Variants in MUC5B observed in about 807,000 individuals in gnomAD.
The protein encoded by MUC5B is mucin-5B.
In MUC5B, 116 loss-of-function variants were observed where a neutral mutation model predicts 376.9. The observed-to-expected ratio is 0.31, with a 90% confidence interval of 0.26 to 0.36. The LOEUF (loss-of-function observed/expected upper bound fraction) is 0.36. Among genes scored for constraint, MUC5B ranks in the 10% least tolerant of loss-of-function variants. The pLI is 1.00. For synonymous variants in MUC5B, 3,517 were observed against 3,390.9 expected (o/e 1.04, Z -1.29); for missense variants, 7,165 against 7,769.9 (o/e 0.92, Z 2.93).
chr11:1,246,159 A>C lies in MUC5B; in HGVS notation c.9279A>C (p.Thr3093=). Residue 3093 remains threonine, a synonymous_variant, in exon 31 of 49, where the codon ACA becomes ACC. Coordinates refer to ENST00000529681, the MANE Select transcript of MUC5B (RefSeq NM_002458.3). ...CCACACCCATGGCCACCATGTCCAC[A>C]ATCCACCCCTCCTCCACTCCGGAGA... ...QTTTPMATMS[T]IHPSSTPETT... is the part of the protein sequence containing the mutation. The C allele has an allele frequency of 6.2e-7, 1 of 1,606,814 alleles. No homozygotes were observed. Among genetic ancestry groups the C allele is most frequent in the Non-Finnish European group, 8.5e-7 (1 of 1,178,026 alleles).
In MUC5B at chr11:1,255,514, G is replaced by A. The variant is rs201333268; in HGVS notation, c.16022G>A (p.Arg5341Gln). The A allele has an allele frequency of 5.5e-5, 86 of 1,549,870 alleles. No individual in the cohort carries two copies. The highest frequency in any genetic ancestry group is 7.8e-5 in the Admixed American group (4 of 51,442). Residue 5341 changes from arginine (R) to glutamine (Q), a missense_variant, in exon 37 of 49, where the codon CGG becomes CAG. By Grantham distance (43) the Arg-to-Gln change is conservative. This residue lies in a region of MUC5B where 842 missense variants were observed against 1,016.9 expected (regional missense o/e 0.83). Transcript: ENST00000529681. Reference protein sequence around the residue: ...LEAYAELCRARGVCSDWRGAT... With the variant: ...LEAYAELCRAQGVCSDWRGAT... The stretch of plus-strand genomic sequence containing the variant: ...GCTTACGCAGAGCTCTGCCGCGCCC[G>A]GGGAGTGTGCAGTGACTGGCGAGGT...
intron 30 of MUC5B, 92 bp from the exon 31 acceptor site, chr11:1,240,759 C>A (rs1395152863): frequency 8.1e-7 from 1 of 1,232,568 alleles, no homozygotes; most frequent in Non-Finnish European, 1.1e-6. Context: ...GCAGGGCCAG[C>A]CCTGGGGAAA....
Position 1,240,279 on chromosome 11 carries a change from A to T in MUC5B, c.3874A>T (p.Asn1292Tyr), listed in dbSNP as rs1438457222. 1 of 1,613,724 alleles carries T rather than the reference A, an allele frequency of 6.2e-7. No homozygotes were observed. ...CTGCTTGATCGCCATCTGCGGAAGC[A>T]ACGGCACCATCATCAGGAAGGCTGT... Reference protein sequence around the residue: ...GACLIAICGSNGTIIRKAVAC... With the variant: ...GACLIAICGSYGTIIRKAVAC... The change falls in exon 30 of 49, where the codon AAC (asparagine) becomes TAC (tyrosine). Residue 1292 changes from asparagine (N) to tyrosine (Y), a missense_variant. Physicochemically the swap from Asn to Tyr is moderately radical, Grantham distance 143. Transcript: ENST00000529681.
intron 1 of MUC5B, among the ~76,000 whole-genome samples, chr11:1,224,089 G>A (rs1394233859): frequency 6.6e-6 from 1 of 152,228 alleles, no homozygotes; most frequent in Admixed American, 6.5e-5. Context: ...AAGGTTTGGG[G>A]GCTGGTTTGA....
In MUC5B at chr11:1,257,442, A is replaced by C; in HGVS notation, c.16270-88A>C. The C allele has an allele frequency of 6.7e-7, 1 of 1,492,502 alleles. No individual in the cohort carries two copies. Among genetic ancestry groups the C allele is most frequent in the Non-Finnish European group, 9.2e-7 (1 of 1,091,996 alleles). 92.5% of individuals were successfully genotyped at this position (1,492,502 alleles called of 1,614,324 possible). A position where few individuals can be genotyped will look rare whatever the true frequency, so the allele number is the denominator to read the frequency against. Reference sequence around the variant, plus strand: ...CATCACTCTGGGCCACTCGGGTACCAGCCCGAGGGAGGGGGTGGCTGGACA... The same window carrying C: ...CATCACTCTGGGCCACTCGGGTACCCGCCCGAGGGAGGGGGTGGCTGGACA... On this transcript the variant is annotated intron_variant, in intron 40 of 48. Transcript: ENST00000529681. This position sits in a 1 kb window ranked among gnomAD's most constrained non-coding sequence, Gnocchi z 8.9.
rs776307821 is a variant in MUC5B, at chr11:1,237,190, G to T, written c.3297+26G>T. 2.2e-6 allele frequency: 3 copies of T among 1,390,010 alleles called. No individual in the cohort carries two copies. In the African/African-American group the frequency reaches 4.4e-5, roughly 21 times the overall value. 86.1% of individuals were successfully genotyped at this position (1,390,010 alleles called of 1,614,324 possible). A position where few individuals can be genotyped will look rare whatever the true frequency, so the allele number is the denominator to read the frequency against. On this transcript the variant is annotated intron_variant, in intron 25 of 48. Coordinates refer to ENST00000529681, the MANE Select transcript of MUC5B (RefSeq NM_002458.3). ...GTGGGGCTCTGGTCTTGGCAGGCAG[G>T]GTCTGGTGGGGATGGCAGTTGCTTC...
chr11:1,225,565 C>T, intron 1 of MUC5B, 116 bp from the exon 2 acceptor site: 2 of 918,020 alleles, frequency 2.2e-6, no homozygotes, highest in Non-Finnish European at 3.3e-6. Flanking sequence ...ATGGAGACCG[C>T]CACCAAGGAC....
rs746478344 is a variant in MUC5B at position 1,247,648 on chromosome 11, C to T, written c.10768C>T (p.Pro3590Ser). Residue 3590 changes from proline (P) to serine (S), a missense_variant, in exon 31 of 49, where the codon CCC becomes TCC. Coordinates refer to ENST00000529681, the MANE Select transcript of MUC5B (RefSeq NM_002458.3). ...WLDYSYPMPG[P>S]SGGDFDTYSN... The stretch of plus-strand genomic sequence containing the variant: ...GGACTACAGCTACCCCATGCCGGGG[C>T]CCTCTGGCGGGGACTTTGACACCTA... The T allele has an allele frequency of 7.5e-6, 12 of 1,606,138 alleles. No homozygotes were observed. Among genetic ancestry groups the T allele is most frequent in the South Asian group, 1.1e-5 (1 of 90,746 alleles).
rs370603601 is a variant in MUC5B at position 1,230,943 on chromosome 11, G to A, written c.1478G>A (p.Arg493Gln). 17 of 1,590,606 alleles carry A rather than the reference G, an allele frequency of 1.1e-5. No individual in the cohort carries two copies. The highest frequency in any genetic ancestry group is 1.7e-4 in the Middle Eastern group (1 of 6,058). The change falls in exon 13 of 49, where the codon CGG becomes CAG. Residue 493 changes from arginine (R) to glutamine (Q), a missense_variant. By Grantham distance (43) the Arg-to-Gln change is conservative (BLOSUM62 1). This residue lies in a region of MUC5B where 640 missense variants were observed against 733.0 expected (regional missense o/e 0.87). Transcript: ENST00000529681. ...GCCCGCCTCCTTCCGCAGGCCATCC[G>A]GGTCCAAGCGGACGGCGGCGTGTTC... ...LSLDGGDTAI[R>Q]VQADGGVFLN...
intron 46 of MUC5B, 60 bp downstream of exon 46, chr11:1,260,145 CCT>C (rs1862959007): frequency 1.9e-6 from 3 of 1,589,566 alleles, no homozygotes; most frequent in African/African-American, 2.7e-5. Context: ...AGGCCCAACC[CCT>C]GTCTGGGATG....
chr11:1,261,715 T>C lies in MUC5B; in HGVS notation c.*107T>C. 2 of 1,151,914 alleles carry C rather than the reference T, an allele frequency of 1.7e-6. No individual in the cohort carries two copies. The highest frequency in any genetic ancestry group is 2.5e-6 in the Non-Finnish European group (2 of 795,452). The allele number at this position is 1,151,914 out of a possible 1,614,324, so 71.4% of individuals were successfully genotyped here. ...TCTGCGGAGCCCCCCGGCCTGTGTGTGGCACCCCGCGCTCCGTGCTCCTGC... is the reference window on the plus strand; with the variant it reads ...TCTGCGGAGCCCCCCGGCCTGTGTGCGGCACCCCGCGCTCCGTGCTCCTGC... On this transcript the variant is annotated 3_prime_UTR_variant, in exon 49 of 49. Transcript: ENST00000529681.
rs776347143 is a variant in MUC5B at position 1,247,448 on chromosome 11, C to T, written c.10568C>T (p.Pro3523Leu). The T allele has an allele frequency of 3.7e-6, 6 of 1,609,654 alleles. No homozygotes were observed. The highest frequency in any genetic ancestry group is 2.2e-5 in the South Asian group (2 of 90,868). ...AGCAGCAGGACCACCGAGTCACCCC[C>T]TTCTCCAGGGACGACCACCCCGGGC... is the stretch of plus-strand genomic sequence containing the variant. ...HPSSRTTESPPSPGTTTPGHT... is the reference protein window; with the variant it reads ...HPSSRTTESPLSPGTTTPGHT... Residue 3523 changes from proline to leucine, a missense_variant, in exon 31 of 49, where the codon CCT becomes CTT. Coordinates refer to ENST00000529681, the MANE Select transcript of MUC5B (RefSeq NM_002458.3).
intron 23 of MUC5B, among the ~76,000 whole-genome samples, chr11:1,235,802 C>T (rs190160172): frequency 6.6e-6 from 1 of 151,718 alleles, no homozygotes; most frequent in Non-Finnish European, 1.5e-5. Flanking sequence ...AGGGCCCCCC[C>T]CCGCCCCCAC....
Position 1,246,534 on chromosome 11 carries a change from T to C in MUC5B, c.9654T>C (p.Thr3218=). ...CCACTCCCTCCTCCAGTCCAGGGACTGCAACCGCCCTTCCAGCACTGAGAA... is the reference window on the plus strand; with the variant it reads ...CCACTCCCTCCTCCAGTCCAGGGACCGCAACCGCCCTTCCAGCACTGAGAA... ...SRATPSSSPG[T]ATALPALRST... is the part of the protein sequence containing the mutation. Residue 3218 remains threonine, a synonymous_variant, in exon 31 of 49, where the codon ACT becomes ACC. Coordinates refer to ENST00000529681, the MANE Select transcript of MUC5B (RefSeq NM_002458.3). 1 of 1,610,826 alleles carries C rather than the reference T, an allele frequency of 6.2e-7. No homozygotes were observed. The highest frequency in any genetic ancestry group is 8.5e-7 in the Non-Finnish European group (1 of 1,178,926).
rs1385196046 is a variant in MUC5B, at chr11:1,226,664, C to T, written c.249C>T (p.Phe83=). 6.2e-7 allele frequency: 1 copy of T among 1,612,198 alleles called. No homozygotes were observed. Among genetic ancestry groups the T allele is most frequent in the African/African-American group, 1.3e-5 (1 of 74,908 alleles). ...NGRVCSTWGD[F]HYKTFDGDVF... is the part of the protein sequence containing the mutation. ...GGGTGTGCAGCACCTGGGGTGACTT[C>T]CACTACAAGACCTTCGACGGCGACG... Residue 83 remains phenylalanine (F), a synonymous_variant, in exon 4 of 49, where the codon TTC becomes TTT. Transcript: ENST00000529681.
Position 1,260,494 on chromosome 11 carries a change from C to T in MUC5B, c.16966+101C>T, listed in dbSNP as rs142284167. The T allele has an allele frequency of 8.3e-5, 124 of 1,490,898 alleles. 1 individual carries two copies. The East Asian group carries it at 1.7e-3, about 21-fold the overall frequency. 92.4% of individuals were successfully genotyped at this position (1,490,898 alleles called of 1,614,324 possible). ...CTGCACTAGGCAGCAGTGGGATGCC[C>T]GCGTCCAGACTCCACCCTCGGTCCT... is the stretch of plus-strand genomic sequence containing the variant. On this transcript the variant is annotated intron_variant, in intron 47 of 48. Transcript: ENST00000529681.
Position 1,238,916 on chromosome 11 carries a change from G to A in MUC5B, c.3343G>A (p.Ala1115Thr). Residue 1115 changes from alanine to threonine, a missense_variant, in exon 26 of 49, where the codon GCC (alanine) becomes ACC (threonine). By Grantham distance (58) the Ala-to-Thr change is moderately conservative. Coordinates refer to ENST00000529681, the MANE Select transcript of MUC5B (RefSeq NM_002458.3). ...YYEACVNDAC[A>T]CDSGGDCECF... ...CGAGGCCTGCGTGAACGACGCGTGT[G>A]CCTGCGACTCGGGTGGCGACTGCGA... 6.4e-7 allele frequency: 1 copy of A among 1,570,712 alleles called. No individual in the cohort carries two copies. Among genetic ancestry groups the A allele is most frequent in the East Asian group, 2.4e-5 (1 of 42,362 alleles).
At chr11:1,261,151 G>A (rs778115202) in intron 48 of MUC5B, among the ~76,000 whole-genome samples, 23 of 152,244 alleles carry the variant, frequency 1.5e-4, no homozygotes, top group Non-Finnish European at 3.1e-4. Flanking sequence ...TGGAGGAGCT[G>A]GTTCAGACAG....
chr11:1,236,793 G>T, intron 24 of MUC5B, 132 bp from the exon 25 acceptor site: 1 of 1,220,990 alleles, frequency 8.2e-7, no homozygotes, highest in Non-Finnish European at 1.1e-6. Flanking sequence ...AGTTCACCAG[G>T]CACTGCCTGG....
Sources: allele counts gnomAD v4.1 joint callset (sites outside exome capture counted in the v4.1 genomes callset), GRCh38; gene constraint gnomAD v4.1.1; regional missense constraint gnomAD v4.1.1; non-coding constraint Gnocchi (gnomAD v3.1); transcripts MANE v1.5; gene names NCBI Gene and HGNC (gene_info 2026-07-23, HGNC 2026-07-21).